PACRGL: variants seen among roughly 807,000 people sequenced by gnomAD.
PACRGL encodes PACRG-like protein.
PACRGL carries 38 observed loss-of-function variants against 34.5 expected under a neutral mutation model. That is an observed-to-expected ratio of 1.10 (90% CI 0.85 to 1.44). PACRGL has a LOEUF of 1.44. Ranked by LOEUF, PACRGL falls within the 40% of genes most tolerant of loss-of-function variation. The probability of loss-of-function intolerance (pLI) is 0.00; values close to 1 mark genes in which losing one functional copy is unlikely to be tolerated. For synonymous variants in PACRGL, 128 were observed against 100.1 expected, an observed-to-expected ratio of 1.28 and a Z score of -1.66; for missense variants, 305 against 281.4, an observed-to-expected ratio of 1.08 and a Z score of -0.60.
At chr4:20,719,961 G>A (rs1742204058) in intron 7 of PACRGL, among the ~76,000 whole-genome samples, 1 of 152,086 alleles carries the variant, frequency 6.6e-6, no homozygotes, top group Non-Finnish European at 1.5e-5. Flanking sequence ...TTGTGTGGGA[G>A]TCGAAATCTC....
chr4:20,698,444 G>C (rs576356870), upstream of PACRGL, among the ~76,000 whole-genome samples: 4 of 152,118 alleles, frequency 2.6e-5, no homozygotes. Context: ...CCAACTCAGC[G>C]TCTACATATG....
At chr4:20,745,868 C>T (rs1021439413) in intron 8 of PACRGL, among the ~76,000 whole-genome samples, 1 of 152,052 alleles carries the variant, frequency 6.6e-6, no homozygotes, top group African/African-American at 2.4e-5. Context: ...ATGTAGTTGC[C>T]TTACTGGGTA....
At chr4:20,735,535 T>G (rs1299679180), downstream of PACRGL, among the ~76,000 whole-genome samples, 13 of 145,730 alleles carry the variant, frequency 8.9e-5, no homozygotes, top group Non-Finnish European at 9.0e-5. Flanking sequence ...TTTTTGTTTT[T>G]TTTTTTTTTT....
At chr4:20,765,838 G>T in the PACRGL span, among the ~76,000 whole-genome samples, 1 of 152,136 alleles carries the variant, frequency 6.6e-6, no homozygotes, top group Non-Finnish European at 1.5e-5. Flanking sequence ...CGCCTTTTGG[G>T]GCCTTACTGC....
downstream of PACRGL, chr4:20,734,857 T>C (rs954404217): frequency 9.3e-6 from 5 of 535,714 alleles, no homozygotes; most frequent in Admixed American, 3.5e-5. Context: ...AAATGATTGA[T>C]GTGTTATTGG....
intron 7 of PACRGL, chr4:20,716,304 T>G (rs1739947495): frequency 3.4e-6 from 2 of 593,528 alleles, no homozygotes; most frequent in East Asian, 5.8e-5. Flanking sequence ...TTTTCAGTTT[T>G]CTTCTCCTAG....
At chr4:20,734,516 A>AT (rs1749113734), downstream of PACRGL, 3 of 544,940 alleles carry the variant, frequency 5.5e-6, no homozygotes, top group Non-Finnish European at 9.6e-6. Context: ...TACATAAAAT[A>AT]TTTTGGAATT....
Position 20,730,185 on chromosome 4 carries a change from A to ACTATT in PACRGL, c.*2845_*2849dup, listed in dbSNP as rs1747649055. On this transcript the variant is annotated 3_prime_UTR_variant, in exon 9 of 9. Transcript: ENST00000503585. ...TCAGCATATCTGCAAGGAAAAGTAC[A>ACTATT]CTATTTTGCCCCTGAGTATTGCCTC... The ACTATT allele has an allele frequency of 6.4e-7, 1 of 1,551,236 alleles. No individual in the cohort carries two copies. Among genetic ancestry groups the ACTATT allele is most frequent in the Admixed American group, 2.0e-5 (1 of 50,970 alleles).
intron 7 of PACRGL, among the ~76,000 whole-genome samples, chr4:20,722,134 A>T (rs1032311226): frequency 6.6e-6 from 1 of 152,230 alleles, no homozygotes; most frequent in African/African-American, 2.4e-5. Flanking sequence ...CAGGCACAGG[A>T]TATAATCTCC....
At position 20,738,639 on chromosome 4, in the gene PACRGL, A is replaced by G. The variant is rs145573021; in HGVS notation, c.*56+11242A>G. Among the ~76,000 whole-genome samples, 91 of 152,378 alleles carry G rather than the reference A, an allele frequency of 6.0e-4. No individual in the cohort carries two copies. The East Asian group carries it at 0.015, about 26-fold the overall frequency. ...TGGGGAATCCCCCCAAGATGGCTACATAGGAACAGCTCCAGTCTACAGCTC... is the reference window on the plus strand; with the variant it reads ...TGGGGAATCCCCCCAAGATGGCTACGTAGGAACAGCTCCAGTCTACAGCTC... On this transcript the variant is annotated intron_variant, in intron 8 of 8. Transcript: ENST00000507634.
chr4:20,701,829 A>G (rs538710862), intron 1 of PACRGL: 8 of 456,508 alleles, frequency 1.8e-5, no homozygotes, highest in Non-Finnish European at 2.6e-5. Context: ...GGTTGGGTCA[A>G]ATCTATAGAT....
At chr4:20,710,444 T>C (rs995588847) in intron 5 of PACRGL, among the ~76,000 whole-genome samples, 1 of 152,186 alleles carries the variant, frequency 6.6e-6, no homozygotes, top group African/African-American at 2.4e-5. Flanking sequence ...GTATTTAAAC[T>C]TTTAATTACT....
At chr4:20,706,003 A>G (rs1309678131) in intron 3 of PACRGL, among the ~76,000 whole-genome samples, 2 of 151,058 alleles carry the variant, frequency 1.3e-5, no homozygotes, top group Admixed American at 6.6e-5. Context: ...TAATATTTTA[A>G]ATATTTGAGT....
chr4:20,712,111 TTC>T (rs557268464), intron 5 of PACRGL, among the ~76,000 whole-genome samples: 38 of 152,182 alleles, frequency 2.5e-4, no homozygotes, highest in African/African-American at 8.2e-4. Context: ...CGAGTTTCCC[TTC>T]TTTTTGTCTA....
the PACRGL span, among the ~76,000 whole-genome samples, chr4:20,764,833 TCA>T: frequency 3.0e-4 from 46 of 152,222 alleles, no homozygotes; most frequent in African/African-American, 1.0e-3. Context: ...TGCCTGTTTT[TCA>T]CACAGACAGG....
downstream of PACRGL, among the ~76,000 whole-genome samples, chr4:20,753,987 C>T (rs1188213446): frequency 6.6e-6 from 1 of 152,110 alleles, no homozygotes; most frequent in African/African-American, 2.4e-5. Context: ...TGCATTCCTA[C>T]AACATGAGCA....
At chr4:20,754,189 G>C (rs2149350396), downstream of PACRGL, among the ~76,000 whole-genome samples, 2 of 152,242 alleles carry the variant, frequency 1.3e-5, no homozygotes, top group South Asian at 4.1e-4. Context: ...GCCAACAAGA[G>C]GCTTTTGTTC....
intron 5 of PACRGL, among the ~76,000 whole-genome samples, chr4:20,710,099 CAG>C (rs1736449625): frequency 6.6e-6 from 1 of 152,044 alleles, no homozygotes; most frequent in South Asian, 2.1e-4. Context: ...AGGAAAACAT[CAG>C]GGATTAAACT....
In PACRGL at chr4:20,731,825, AATGTTGATT is replaced by A. The variant is rs1319734236; in HGVS notation, c.*4489_*4497del. On this transcript the variant is annotated 3_prime_UTR_variant, in exon 9 of 9. Coordinates refer to ENST00000503585, the MANE Select transcript of PACRGL (RefSeq NM_001258345.3). Reference sequence around the variant, plus strand: ...ATAGCCTGACTCAGTGGGCACTCTAAATGTTGATTATGTAATTGGTGCTTGTTTTCAGAG... The same window carrying A: ...ATAGCCTGACTCAGTGGGCACTCTAAATGTAATTGGTGCTTGTTTTCAGAG... The A allele has an allele frequency of 1.0e-6, 1 of 985,192 alleles. No homozygotes were observed. The highest frequency in any genetic ancestry group is 1.2e-6 in the Non-Finnish European group (1 of 829,922). 61.0% of individuals were successfully genotyped at this position (985,192 alleles called of 1,614,324 possible).
Sources: gnomAD v4.1 joint callset for allele counts (sites outside exome capture counted in the v4.1 genomes callset) on GRCh38, gnomAD v4.1.1 for gene constraint, MANE v1.5 for transcripts, NCBI Gene and HGNC (gene_info 2026-07-23, HGNC 2026-07-21) for gene names.